Variants in TOR1A observed in about 807,000 individuals in gnomAD.
TOR1A encodes torsin-1A.
A neutral mutation model predicts 31.4 loss-of-function variants in TOR1A; 18 were observed. The observed-to-expected ratio is 0.57, with a 90% confidence interval of 0.40 to 0.85. The LOEUF (loss-of-function observed/expected upper bound fraction) is 0.85. Ranked by LOEUF, TOR1A falls within the 40% of genes least tolerant of loss-of-function variation. The probability of loss-of-function intolerance (pLI) is 0.00; values close to 1 mark genes in which losing one functional copy is unlikely to be tolerated. For synonymous variants in TOR1A, 168 were observed against 165.9 expected (o/e 1.01, Z -0.10); for missense variants, 375 against 416.4 (o/e 0.90, Z 0.87).
intron 4 of TOR1A, chr9:129,818,192 A>C (rs1212355472): frequency 2.5e-6 from 1 of 392,430 alleles, no homozygotes; most frequent in Non-Finnish European, 4.8e-6. Context: ...AATCCCAGCT[A>C]CTCAGGAGGC....
intron 2 of TOR1A, 191 bp downstream of exon 2, chr9:129,822,390 A>G: frequency 1.3e-6 from 1 of 798,566 alleles, no homozygotes; most frequent in Non-Finnish European, 2.1e-6. Flanking sequence ...AACCCACCAC[A>G]AAGCTTTGAT....
chr9:129,814,202 A>C lies in TOR1A; in HGVS notation c.769T>G (p.Leu257Val), dbSNP rs201368848. ...NKNSGFWHSS[L>V]IDRNLIDYFV... ...TAATCAATGAGGTTCCGGTCAATTA[A>C]GCTGCTGTGCCAGAAGCCACCTGGG... is the stretch of plus-strand genomic sequence containing the variant. The change falls in exon 5 of 5, where the codon TTA becomes GTA. Residue 257 changes from leucine to valine, a missense_variant. Transcript: ENST00000351698. 85 of 1,613,988 alleles carry C rather than the reference A, an allele frequency of 5.3e-5. No individual in the cohort carries two copies. The East Asian group carries it at 7.1e-4, about 14-fold the overall frequency.
In TOR1A at chr9:129,816,445, C is replaced by A. The variant is rs139739470; in HGVS notation, c.748+2075G>T. On this transcript the variant is annotated intron_variant, in intron 4 of 4. Coordinates refer to ENST00000351698, the MANE Select transcript of TOR1A (RefSeq NM_000113.3). ...ACTGCATGTATACACACAAACACAT[C>A]ACACACATCAACATATCTATCCCCC... 5.0e-3 allele frequency among the ~76,000 whole-genome samples: 755 copies of A among 152,328 alleles called. 5 individuals are homozygous for A. The highest frequency in any genetic ancestry group is 6.9e-3 in the Non-Finnish European group (472 of 68,026).
chr9:129,814,118 T>C lies in TOR1A; in HGVS notation c.853A>G (p.Met285Val), dbSNP rs1401429739. ...KHLKMCIRVE[M>V]QSRGYEIDED... is the part of the protein sequence containing the mutation. ...TCAATTTCATAGCCTCGGGACTGCA[T>C]TTCCACTCGGATACACATTTTTAGG... The change falls in exon 5 of 5, where the codon ATG becomes GTG. Residue 285 changes from methionine to valine, a missense_variant. Transcript: ENST00000351698. 1 of 1,614,206 alleles carries C rather than the reference T, an allele frequency of 6.2e-7. No homozygotes were observed. Among genetic ancestry groups the C allele is most frequent in the Non-Finnish European group, 8.5e-7 (1 of 1,180,034 alleles).
In TOR1A at chr9:129,815,591, C is replaced by T. The variant is rs769665254; in HGVS notation, c.749-1369G>A. Among the ~76,000 whole-genome samples the T allele has an allele frequency of 1.3e-4, 20 of 152,298 alleles. No homozygotes were observed. In the South Asian group the frequency reaches 1.4e-3, roughly 11 times the overall value. The stretch of plus-strand genomic sequence containing the variant: ...CCCAGCCACGCAGACCCAGGAGTGA[C>T]GGCAGAACAGGTGACCTCAGGCAGC... On this transcript the variant is annotated intron_variant, in intron 4 of 4. Transcript: ENST00000351698.
chr9:129,814,303 C>T, intron 4 of TOR1A, 81 bp from the exon 5 acceptor site: 13 of 1,603,766 alleles, frequency 8.1e-6, no homozygotes, highest in Non-Finnish European at 1.1e-5. Context: ...ACTTACCTAC[C>T]CTCCCATCCG....
In TOR1A at chr9:129,814,111, G is replaced by T. The variant is rs766483672; in HGVS notation, c.860C>A (p.Ser287Tyr). 7 of 1,614,022 alleles carry T rather than the reference G, an allele frequency of 4.3e-6. No homozygotes were observed. The East Asian group carries it at 6.7e-5, about 15-fold the overall frequency. ...GTCTTCATCAATTTCATAGCCTCGG[G>T]ACTGCATTTCCACTCGGATACACAT... ...LKMCIRVEMQ[S>Y]RGYEIDEDIV... The change falls in exon 5 of 5, where the codon TCC (serine) becomes TAC (tyrosine). Residue 287 changes from serine (S) to tyrosine (Y), a missense_variant. Physicochemically the swap from Ser to Tyr is moderately radical, Grantham distance 144. Coordinates refer to ENST00000351698, the MANE Select transcript of TOR1A (RefSeq NM_000113.3).
chr9:129,819,524 AGTGG>A (rs2131005178), intron 2 of TOR1A, among the ~76,000 whole-genome samples: 1 of 151,372 alleles, frequency 6.6e-6, no homozygotes, highest in Admixed American at 6.6e-5. Context: ...GGGAGGCCAA[AGTGG>A]GTGGATCACC....
chr9:129,822,803 A>G lies in TOR1A; in HGVS notation c.222T>C (p.Leu74=), dbSNP rs2031218511. ...DLDDNLFGQH[L]AKKIILNAVF... ...CGGCATTTAAGATGATTTTCTTTGC[A>G]AGATGCTGTCCAAAGAGGTTGTCGT... The change falls in exon 2 of 5, where the codon CTT becomes CTC. Residue 74 remains leucine, a synonymous_variant. Transcript: ENST00000351698. 4 of 1,614,098 alleles carry G rather than the reference A, an allele frequency of 2.5e-6. No homozygotes were observed. Among genetic ancestry groups the G allele is most frequent in the Middle Eastern group, 3.3e-4 (2 of 6,084 alleles).
At chr9:129,815,765 G>A (rs1350734119) in intron 4 of TOR1A, among the ~76,000 whole-genome samples, 1 of 152,162 alleles carries the variant, frequency 6.6e-6, no homozygotes, top group African/African-American at 2.4e-5. Flanking sequence ...TCCCTTCAAT[G>A]GCAGTGCCAC....
At chr9:129,817,084 T>C (rs1432597008) in intron 4 of TOR1A, among the ~76,000 whole-genome samples, 1 of 152,128 alleles carries the variant, frequency 6.6e-6, no homozygotes, top group Non-Finnish European at 1.5e-5. Context: ...TTTGGAGAAG[T>C]AGTGAGCTAA....
At chr9:129,816,779 A>G (rs2031051151) in intron 4 of TOR1A, among the ~76,000 whole-genome samples, 1 of 152,208 alleles carries the variant, frequency 6.6e-6, no homozygotes, top group African/African-American at 2.4e-5. Context: ...GCATGTGCTC[A>G]TGTTTTTTGG....
rs757283384 is a variant in TOR1A, at chr9:129,818,960, C to A, written c.445-40G>T. The A allele has an allele frequency of 1.9e-6, 3 of 1,602,270 alleles. No individual in the cohort carries two copies. In the South Asian group the frequency reaches 3.3e-5, roughly 18 times the overall value. The stretch of plus-strand genomic sequence containing the variant: ...GAAAAAGCGAACACAAAGTTCTCAG[C>A]CAGGGCCATCAATCAGCTCCTTCTA... On this transcript the variant is annotated intron_variant, in intron 2 of 4. Coordinates refer to ENST00000351698, the MANE Select transcript of TOR1A (RefSeq NM_000113.3).
At chr9:129,819,676 T>G (rs561079154) in intron 2 of TOR1A, among the ~76,000 whole-genome samples, 1 of 151,798 alleles carries the variant, frequency 6.6e-6, no homozygotes, top group Admixed American at 6.6e-5. Context: ...TAGAATTGCA[T>G]GAACCTGGGA....
intron 2 of TOR1A, among the ~76,000 whole-genome samples, chr9:129,820,816 C>T (rs1035877621): frequency 2.0e-5 from 3 of 152,120 alleles, no homozygotes; most frequent in Non-Finnish European, 4.4e-5. Context: ...CCAGGCTGGT[C>T]TGGAACTCTT....
At chr9:129,814,939 C>T (rs1434500934) in intron 4 of TOR1A, among the ~76,000 whole-genome samples, 1 of 152,178 alleles carries the variant, frequency 6.6e-6, no homozygotes. Flanking sequence ...ATGTGCAGCC[C>T]ACGCTGGGCT....
intron 4 of TOR1A, among the ~76,000 whole-genome samples, chr9:129,817,310 A>G (rs759072233): frequency 1.1e-4 from 16 of 152,152 alleles, no homozygotes; most frequent in Non-Finnish European, 1.8e-4. Flanking sequence ...AAAGGGAGGA[A>G]CTAACAGGTC....
Position 129,824,074 on chromosome 9 carries a change from G to A in TOR1A, c.12C>T (p.Gly4=). The A allele has an allele frequency of 8.2e-6, 13 of 1,588,216 alleles. No homozygotes were observed. The highest frequency in any genetic ancestry group is 1.1e-5 in the South Asian group (1 of 88,410). The change falls in exon 1 of 5, where the codon GGC becomes GGT. Residue 4 remains glycine, a synonymous_variant. Transcript: ENST00000351698. The part of the protein sequence containing the change: MKL[G]RAVLGLLLLA... ...GCAGCAGCAGGCCCAGCACGGCCCG[G>A]CCCAGCTTCATGCCCGGACCCGCGC...
At chr9:129,816,417 T>G (rs1275342139) in intron 4 of TOR1A, among the ~76,000 whole-genome samples, 2 of 152,194 alleles carry the variant, frequency 1.3e-5, no homozygotes, top group African/African-American at 2.4e-5. Context: ...TGTGTGCATA[T>G]GTACTGCATG....
Sources: gnomAD v4.1 joint callset for allele counts (sites outside exome capture counted in the v4.1 genomes callset) on GRCh38, gnomAD v4.1.1 for gene constraint, MANE v1.5 for transcripts, NCBI Gene and HGNC (gene_info 2026-07-23, HGNC 2026-07-21) for gene names.